ZMYM2: variants seen among roughly 807,000 people sequenced by gnomAD.
ZMYM2 encodes the protein zinc finger MYM-type protein 2.
A neutral mutation model predicts 162.8 loss-of-function variants in ZMYM2; 56 were observed. That is an observed-to-expected ratio of 0.34 (90% CI 0.28 to 0.43). The LOEUF (loss-of-function observed/expected upper bound fraction) is 0.43, where lower values mean the gene tolerates loss of function less well. ZMYM2 is among the 20% of genes least tolerant of loss of function. The probability of loss-of-function intolerance (pLI) is 1.00; values close to 1 mark genes in which losing one functional copy is unlikely to be tolerated. For missense variants in ZMYM2, 1,275 were observed against 1,621.8 expected (o/e 0.79, Z 3.67); for synonymous variants, 510 against 541.6 (o/e 0.94, Z 0.81).
the ZMYM2 span, among the ~76,000 whole-genome samples, chr13:19,931,063 C>T: frequency 6.7e-6 from 1 of 150,152 alleles, no homozygotes; most frequent in South Asian, 2.1e-4. Context: ...GGCGTGAACC[C>T]AGGAGGCGGA....
the ZMYM2 span, among the ~76,000 whole-genome samples, chr13:19,921,049 G>A: frequency 4.6e-5 from 7 of 152,022 alleles, no homozygotes; most frequent in East Asian, 1.2e-3. Flanking sequence ...GATTACAGGC[G>A]TGAGCCACTG....
the ZMYM2 span, among the ~76,000 whole-genome samples, chr13:19,915,302 C>G: frequency 1.3e-5 from 2 of 152,050 alleles, no homozygotes; most frequent in East Asian, 3.9e-4. Context: ...ACTATGTTGG[C>G]CAGGTTGGTC....
chr13:20,048,476 GT>G (rs754474784), intron 12 of ZMYM2, among the ~76,000 whole-genome samples: 2 of 151,910 alleles, frequency 1.3e-5, no homozygotes, highest in Non-Finnish European at 2.9e-5. Context: ...TCAGAAAGCT[GT>G]ATTGAGAAGT....
At chr13:19,997,002 G>A (rs1226765711) in intron 3 of ZMYM2, among the ~76,000 whole-genome samples, 1 of 152,172 alleles carries the variant, frequency 6.6e-6, no homozygotes, top group African/African-American at 2.4e-5. Flanking sequence ...CGTGTTAATA[G>A]CCAGCACACA....
rs751275764 is a variant in ZMYM2 at position 20,019,503 on chromosome 13, A to G, written c.1513-44A>G. 10 of 1,481,832 alleles carry G rather than the reference A, an allele frequency of 6.7e-6. No homozygotes were observed. In the Admixed American group the frequency reaches 1.1e-4, roughly 16 times the overall value. The allele number at this position is 1,481,832 out of a possible 1,614,324, so 91.8% of individuals were successfully genotyped here. On this transcript the variant is annotated intron_variant, in intron 6 of 24. Transcript: ENST00000610343. ...TTATTTACCTTTCAATGTAGCAGCT[A>G]TTCTTTATGTGTGTTTATAAAGTCT...
chr13:19,899,085 T>A, the ZMYM2 span, among the ~76,000 whole-genome samples: 1 of 151,974 alleles, frequency 6.6e-6, no homozygotes, highest in Non-Finnish European at 1.5e-5. Flanking sequence ...CCCCAAGAGC[T>A]GGGATTACAG....
chr13:19,912,683 G>T, the ZMYM2 span, among the ~76,000 whole-genome samples: 1 of 152,066 alleles, frequency 6.6e-6, no homozygotes, highest in East Asian at 1.9e-4. Flanking sequence ...TATTACATTG[G>T]TCCATTACAT....
chr13:19,971,009 C>T (rs1473245368), intron 2 of ZMYM2, among the ~76,000 whole-genome samples: 2 of 151,790 alleles, frequency 1.3e-5, no homozygotes, highest in Non-Finnish European at 2.9e-5. Flanking sequence ...TGAACTCTTC[C>T]ACAGCCTGAA....
At chr13:19,878,774 G>A in the ZMYM2 span, among the ~76,000 whole-genome samples, 4 of 152,108 alleles carry the variant, frequency 2.6e-5, no homozygotes, top group Non-Finnish European at 4.4e-5. Flanking sequence ...CACCTACCTC[G>A]GACTCCCAAA....
intron 24 of ZMYM2, among the ~76,000 whole-genome samples, chr13:20,084,383 A>G (rs565506396): frequency 6.6e-6 from 1 of 152,300 alleles, no homozygotes; most frequent in African/African-American, 2.4e-5. Context: ...AAACGGTCAG[A>G]TGGTAAATAT....
chr13:20,037,691 A>G, intron 12 of ZMYM2, among the ~76,000 whole-genome samples: 1 of 152,232 alleles, frequency 6.6e-6, no homozygotes, highest in East Asian at 1.9e-4. Flanking sequence ...AGAAACATTT[A>G]ATTTGAAACC....
chr13:19,943,204 C>T, the ZMYM2 span, among the ~76,000 whole-genome samples: 2 of 152,096 alleles, frequency 1.3e-5, no homozygotes, highest in African/African-American at 2.4e-5. Flanking sequence ...GGTTTTCTTC[C>T]CTCTGTATGT....
chr13:20,064,628 A>G (rs1195067786), intron 19 of ZMYM2, 83 bp downstream of exon 19: 1 of 1,027,394 alleles, frequency 9.7e-7, no homozygotes, highest in African/African-American at 1.7e-5. Context: ...GCCTGAGAAT[A>G]TGGGAACATA....
At chr13:19,942,576 GGCACATGACTGTAGTCCCA>G in the ZMYM2 span, among the ~76,000 whole-genome samples, 1 of 151,668 alleles carries the variant, frequency 6.6e-6, no homozygotes, top group African/African-American at 2.4e-5. Context: ...CTGGCATGGT[GGCACATGACTGTAGTCCCA>G]GCTACTTGGG....
At chr13:19,976,868 A>T (rs543321364) in intron 2 of ZMYM2, among the ~76,000 whole-genome samples, 1 of 152,182 alleles carries the variant, frequency 6.6e-6, no homozygotes, top group Admixed American at 6.5e-5. Flanking sequence ...GGAAGGGTAT[A>T]ATGAAGTCTT....
At chr13:20,050,257 G>GT (rs978071084) in intron 12 of ZMYM2, among the ~76,000 whole-genome samples, 6 of 151,910 alleles carry the variant, frequency 3.9e-5, no homozygotes, top group African/African-American at 1.4e-4. Context: ...TCTAACCTTG[G>GT]GGTATGTTTG....
At chr13:19,921,198 G>A in the ZMYM2 span, among the ~76,000 whole-genome samples, 2 of 151,994 alleles carry the variant, frequency 1.3e-5, no homozygotes, top group Non-Finnish European at 2.9e-5. Flanking sequence ...GGAGTGCAAT[G>A]GCATAATCTC....
At chr13:19,974,270 A>G (rs1173191532) in intron 2 of ZMYM2, among the ~76,000 whole-genome samples, 2 of 152,136 alleles carry the variant, frequency 1.3e-5, no homozygotes, top group Non-Finnish European at 2.9e-5. Context: ...TGGTGCGTTT[A>G]TGCATTGTTT....
chr13:19,995,111 C>G (rs1044544066), intron 3 of ZMYM2, among the ~76,000 whole-genome samples: 3 of 151,916 alleles, frequency 2.0e-5, no homozygotes, highest in African/African-American at 7.2e-5. Context: ...TCCTAAAGTA[C>G]TGGGATTCTA....
Sources: allele counts gnomAD v4.1 joint callset (sites outside exome capture counted in the v4.1 genomes callset), GRCh38; gene constraint gnomAD v4.1.1; transcripts MANE v1.5; gene names NCBI Gene and HGNC (gene_info 2026-07-23, HGNC 2026-07-21).